ROBO2: variants seen among roughly 807,000 people sequenced by gnomAD.
ROBO2 encodes roundabout homolog 2.
A neutral mutation model predicts 160.8 loss-of-function variants in ROBO2; 53 were observed. The observed-to-expected ratio is 0.33, with a 90% CI of 0.26 to 0.41. The LOEUF is 0.41. ROBO2 is among the 10% of genes least tolerant of loss of function. The pLI is 1.00. For missense variants in ROBO2, 1,577 were observed against 1,722.4 expected, an observed-to-expected ratio of 0.92 and a Z score of 1.49; for synonymous variants, 664 against 611.7, an observed-to-expected ratio of 1.09 and a Z score of -1.26.
intron 2 of ROBO2, among the ~76,000 whole-genome samples, chr3:76,099,122 C>T (rs1376787884): frequency 1.3e-5 from 2 of 152,014 alleles, no homozygotes; most frequent in East Asian, 1.9e-4. Context: ...GTGAAAATAG[C>T]GTTCTTAGCA....
intron 5 of ROBO2, among the ~76,000 whole-genome samples, chr3:77,507,093 T>G (rs2153612760): frequency 6.6e-6 from 1 of 152,260 alleles, no homozygotes; most frequent in Non-Finnish European, 1.5e-5. Context: ...AATATCCTAA[T>G]TAGAGAAGTG....
intron 2 of ROBO2, among the ~76,000 whole-genome samples, chr3:77,255,020 A>G (rs2090774528): frequency 6.6e-6 from 1 of 152,216 alleles, no homozygotes; most frequent in Non-Finnish European, 1.5e-5. Context: ...CTGTGCTGTT[A>G]AAAGGAAGAA....
At chr3:76,057,638 G>C (rs1035843313) in intron 2 of ROBO2, among the ~76,000 whole-genome samples, 2 of 152,144 alleles carry the variant, frequency 1.3e-5, no homozygotes, top group Non-Finnish European at 2.9e-5. Flanking sequence ...GAGTAGAACA[G>C]ATTTATAGAG....
chr3:77,594,336 G>A (rs1317591856), intron 17 of ROBO2, among the ~76,000 whole-genome samples: 27 of 152,148 alleles, frequency 1.8e-4, no homozygotes, highest in Admixed American at 1.8e-3. Flanking sequence ...AATGGATGAT[G>A]GACCTGAACT....
intron 2 of ROBO2, among the ~76,000 whole-genome samples, chr3:77,421,035 T>C (rs1316407915): frequency 6.6e-6 from 1 of 152,156 alleles, no homozygotes; most frequent in African/African-American, 2.4e-5. Flanking sequence ...AAGTATAGTA[T>C]GGAAGGGAAA....
intron 2 of ROBO2, among the ~76,000 whole-genome samples, chr3:77,164,168 T>C (rs779689120): frequency 6.6e-6 from 1 of 152,228 alleles, no homozygotes; most frequent in Non-Finnish European, 1.5e-5. Flanking sequence ...CTTTGTATTG[T>C]TTCTTGTAGC....
At chr3:76,416,808 A>G (rs2075776040) in intron 2 of ROBO2, among the ~76,000 whole-genome samples, 1 of 152,176 alleles carries the variant, frequency 6.6e-6, no homozygotes, top group Non-Finnish European at 1.5e-5. Flanking sequence ...GCCTCTCTTC[A>G]GTTTGCTTTG....
chr3:76,846,448 T>C (rs1383995669), intron 2 of ROBO2, among the ~76,000 whole-genome samples: 1 of 152,102 alleles, frequency 6.6e-6, no homozygotes, highest in Non-Finnish European at 1.5e-5. Flanking sequence ...AGAAACATCT[T>C]AACATATTTA....
chr3:76,961,297 A>C (rs567943821), intron 2 of ROBO2, among the ~76,000 whole-genome samples: 1 of 151,518 alleles, frequency 6.6e-6, no homozygotes, highest in African/African-American at 2.4e-5. Context: ...AGCACCTCAA[A>C]GGAAAATGTA....
intron 2 of ROBO2, among the ~76,000 whole-genome samples, chr3:76,083,698 C>T (rs939813363): frequency 2.0e-5 from 3 of 152,156 alleles, no homozygotes; most frequent in Non-Finnish European, 4.4e-5. Flanking sequence ...CAAAATTCTA[C>T]ACCTCCTATG....
chr3:77,595,118 C>G lies in ROBO2; in HGVS notation c.2684-24C>G, dbSNP rs372084902. On this transcript the variant is annotated intron_variant, in intron 17 of 25. Coordinates refer to ENST00000461745, the Ensembl canonical transcript of ROBO2. ...ATATTGACTACTTGTGTGTGCATGT[C>G]TTCCTTTTTTTCTTTTTTCATAGTT... 7.9e-5 allele frequency: 127 copies of G among 1,598,446 alleles called. 1 individual carries two copies. The African/African-American group carries it at 1.5e-3, about 19-fold the overall frequency.
intron 2 of ROBO2, among the ~76,000 whole-genome samples, chr3:76,655,715 A>T (rs2091485839): frequency 7.2e-6 from 1 of 138,678 alleles, no homozygotes; most frequent in Admixed American, 7.3e-5. Context: ...CAGGAAAGGG[A>T]GGAAGGGAGA....
intron 2 of ROBO2, among the ~76,000 whole-genome samples, chr3:76,639,665 G>T (rs2090545143): frequency 6.6e-6 from 1 of 152,092 alleles, no homozygotes; most frequent in African/African-American, 2.4e-5. Flanking sequence ...TCATGCAGAG[G>T]TTGGTAGAGG....
At chr3:77,034,914 C>T (rs61201741), upstream of ROBO2, among the ~76,000 whole-genome samples, 18,760 of 151,592 alleles carry the variant, frequency 0.12, 1,246 homozygotes, top group East Asian at 0.16. Flanking sequence ...GTAAAATTAG[C>T]AAAAAGTGTA....
chr3:77,146,082 T>A (rs988141887), intron 2 of ROBO2, among the ~76,000 whole-genome samples: 2 of 152,178 alleles, frequency 1.3e-5, no homozygotes, highest in Non-Finnish European at 2.9e-5. Flanking sequence ...TGCTGCCATG[T>A]CATGAAGCCA....
chr3:77,295,776 A>C (rs200633209), intron 2 of ROBO2, among the ~76,000 whole-genome samples: 1 of 151,110 alleles, frequency 6.6e-6, no homozygotes, highest in Non-Finnish European at 1.5e-5. Flanking sequence ...ACATAAAGTA[A>C]AATTGATGTT....
chr3:77,589,120 C>A (rs2153683807), intron 17 of ROBO2, among the ~76,000 whole-genome samples, 187 bp downstream of exon 18: 1 of 152,192 alleles, frequency 6.6e-6, no homozygotes, highest in East Asian at 1.9e-4. Context: ...AACCATAAGG[C>A]AGTCTGTTTG....
intron 2 of ROBO2, among the ~76,000 whole-genome samples, chr3:77,315,302 A>G (rs1461303173): frequency 6.6e-6 from 1 of 152,228 alleles, no homozygotes; most frequent in Non-Finnish European, 1.5e-5. Context: ...TTTATTATTC[A>G]GACCACATTG....
chr3:76,126,096 G>T (rs2070976687), intron 2 of ROBO2, among the ~76,000 whole-genome samples: 1 of 152,152 alleles, frequency 6.6e-6, no homozygotes, highest in Admixed American at 6.5e-5. Context: ...TTACAGGCGT[G>T]AGCCACTGCA....
Sources: allele counts gnomAD v4.1 joint callset (sites outside exome capture counted in the v4.1 genomes callset), GRCh38; gene constraint gnomAD v4.1.1; transcripts MANE v1.5; gene names NCBI Gene and HGNC (gene_info 2026-07-23, HGNC 2026-07-21).